Variants in HDAC5 observed in about 807,000 individuals in gnomAD.
HDAC5 encodes the protein antigen NY-CO-9.
HDAC5 carries 25 observed loss-of-function variants against 133.3 expected under a neutral mutation model. That is an observed-to-expected ratio of 0.19 (90% CI 0.14 to 0.26). The LOEUF (loss-of-function observed/expected upper bound fraction) is 0.26, where lower values mean the gene tolerates loss of function less well. Among genes scored for constraint, HDAC5 ranks in the 10% least tolerant of loss-of-function variants. The pLI is 1.00. For missense variants in HDAC5, 1,041 were observed against 1,460.5 expected, an observed-to-expected ratio of 0.71 and a Z score of 4.68; for synonymous variants, 589 against 610.8, an observed-to-expected ratio of 0.96 and a Z score of 0.53.
Position 44,084,682 on chromosome 17 carries a change from G to C in HDAC5, c.2185-7C>G. 6.2e-7 allele frequency: 1 copy of C among 1,613,900 alleles called. No individual in the cohort carries two copies. Among genetic ancestry groups the C allele is most frequent in the East Asian group, 2.2e-5 (1 of 44,884 alleles). On this transcript the variant is annotated splice_polypyrimidine_tract_variant and splice_region_variant and intron_variant, in intron 15 of 26. Coordinates refer to ENST00000682912, the MANE Select transcript of HDAC5 (RefSeq NM_005474.5). ...CTTTGCGACCTCGGATCCGCTGCCA[G>C]GAGGATCAGTAAGAGGGGTCACACA...
At chr17:44,089,396 G>A in intron 11 of HDAC5, among the ~76,000 whole-genome samples, 1 of 151,992 alleles carries the variant, frequency 6.6e-6, no homozygotes, top group Admixed American at 6.6e-5. Flanking sequence ...ATCACTTGAG[G>A]TCAGGAGTTC....
At position 44,088,498 on chromosome 17, in the gene HDAC5, A is replaced by T; in HGVS notation, c.1488T>A (p.Thr496=). ...KLPRHRPLSR[T]QSSPLPQSPQ... is the part of the protein sequence containing the mutation. ...GACTCTGCGGCAGCGGTGAGGACTG[A>T]GTGCGGCTCAGGGGCCGATGCCGCG... Residue 496 remains threonine (T), a synonymous_variant, in exon 12 of 27, where the codon ACT becomes ACA. Coordinates refer to ENST00000682912, the MANE Select transcript of HDAC5 (RefSeq NM_005474.5). 1.2e-6 allele frequency: 2 copies of T among 1,612,876 alleles called. No homozygotes were observed. Among genetic ancestry groups the T allele is most frequent in the Non-Finnish European group, 1.7e-6 (2 of 1,179,766 alleles).
chr17:44,091,372 C>A lies in HDAC5; in HGVS notation c.1285G>T (p.Gly429Cys). 6.3e-7 allele frequency: 1 copy of A among 1,594,772 alleles called. No individual in the cohort carries two copies. The highest frequency in any genetic ancestry group is 8.5e-7 in the Non-Finnish European group (1 of 1,170,730). Residue 429 changes from glycine (G) to cysteine (C), a missense_variant, in exon 11 of 27, where the codon GGC becomes TGC. By Grantham distance (159) the Gly-to-Cys change is radical. This residue lies in a region of HDAC5 where 433 missense variants were observed against 531.6 expected (regional missense o/e 0.81). Transcript: ENST00000682912. ...CTCCCGTCGCCCTCCAGTGCCACGCCCAGCAGGCAGCCAGGAATAGAGGAT... is the reference window on the plus strand; with the variant it reads ...CTCCCGTCGCCCTCCAGTGCCACGCACAGCAGGCAGCCAGGAATAGAGGAT... ...STSSIPGCLLGVALEGDGSPH... is the reference protein window; with the variant it reads ...STSSIPGCLLCVALEGDGSPH...
rs555706114 is a variant in HDAC5 at position 44,097,898 on chromosome 17, C to T, written c.95-4064G>A. Among the ~76,000 whole-genome samples the T allele has an allele frequency of 3.9e-5, 6 of 152,386 alleles. No homozygotes were observed. The South Asian group carries it at 1.2e-3, about 32-fold the overall frequency. ...TCCCACCAGCCTGTCACTGCCACTG[C>T]AGCAGCAGAGATGTTAGGCCCGGAG... On this transcript the variant is annotated intron_variant, in intron 3 of 26. Coordinates refer to ENST00000682912, the MANE Select transcript of HDAC5 (RefSeq NM_005474.5).
chr17:44,091,591 G>C (rs997752095), intron 10 of HDAC5, 99 bp from the exon 11 acceptor site: 1 of 1,485,600 alleles, frequency 6.7e-7, no homozygotes, highest in Admixed American at 2.3e-5. Flanking sequence ...TCTGGGTAGG[G>C]CCAACAGATC....
intron 1 of HDAC5, among the ~76,000 whole-genome samples, chr17:44,119,274 G>A (rs753562042): frequency 6.6e-6 from 1 of 152,242 alleles, no homozygotes; most frequent in Non-Finnish European, 1.5e-5. Context: ...ACCCAGTCCT[G>A]CTCACACCCT....
chr17:44,078,669 T>C lies in HDAC5; in HGVS notation c.3164-4A>G, dbSNP rs774313283. ...TGCACACAGCTCCAGTGTTTGCCTG[T>C]GGACGAGAGACAGGCAAGGGGTCAG... On this transcript the variant is annotated splice_polypyrimidine_tract_variant and splice_region_variant and intron_variant, in intron 25 of 26. Transcript: ENST00000682912. The C allele has an allele frequency of 1.9e-6, 3 of 1,604,504 alleles. No individual in the cohort carries two copies. In the African/African-American group the frequency reaches 4.0e-5, roughly 21 times the overall value.
At chr17:44,099,666 G>C (rs2051470894) in intron 3 of HDAC5, among the ~76,000 whole-genome samples, 2 of 152,074 alleles carry the variant, frequency 1.3e-5, no homozygotes, top group Admixed American at 6.6e-5. Flanking sequence ...AGTAGAGACG[G>C]GGTTTCACCG....
Position 44,091,681 on chromosome 17 carries a change from G to A in HDAC5, c.1164+19C>T, listed in dbSNP as rs1173964168. 2 of 1,536,064 alleles carry A rather than the reference G, an allele frequency of 1.3e-6. No individual in the cohort carries two copies. Among genetic ancestry groups the A allele is most frequent in the Admixed American group, 2.1e-5 (1 of 47,920 alleles). ...ACCTCAACACCAGAGGGAAGATGGG[G>A]TATATGCCCTGTACTTACAGTGAGG... On this transcript the variant is annotated intron_variant, in intron 10 of 26. Transcript: ENST00000682912.
chr17:44,091,857 C>G, intron 9 of HDAC5, 26 bp from the exon 10 acceptor site: 3 of 1,526,610 alleles, frequency 2.0e-6, no homozygotes, highest in Non-Finnish European at 2.6e-6. Flanking sequence ...AAGAGACAGG[C>G]ATGAGAGTGC....
Position 44,123,492 on chromosome 17 carries a change from C to T in HDAC5, c.-190+12G>A. 2 of 375,988 alleles carry T rather than the reference C, an allele frequency of 5.3e-6. No homozygotes were observed. Among genetic ancestry groups the T allele is most frequent in the Admixed American group, 9.2e-5 (2 of 21,834 alleles). 23.3% of individuals were successfully genotyped at this position (375,988 alleles called of 1,614,324 possible). ...GGGGAAGATGGGATCTGGGCCGGGG[C>T]GGCGCGCTCACCCGCTGCGGCTCGA... On this transcript the variant is annotated intron_variant, in intron 1 of 26. Transcript: ENST00000682912.
rs2050201834 is a variant in HDAC5 at position 44,078,212 on chromosome 17, G to A, written c.*164C>T. 1.3e-5 allele frequency: 8 copies of A among 634,466 alleles called. No homozygotes were observed. The highest frequency in any genetic ancestry group is 2.0e-5 in the Non-Finnish European group (8 of 394,424). The allele number at this position is 634,466 out of a possible 1,614,324, so 39.3% of individuals were successfully genotyped here. The stretch of plus-strand genomic sequence containing the variant: ...GAGGGAGCAGGCTTCTAGAGCTGAG[G>A]TGGAAGCCACAGGGCTGGGGGCCTG... On this transcript the variant is annotated 3_prime_UTR_variant, in exon 27 of 27. Transcript: ENST00000682912.
intron 3 of HDAC5, among the ~76,000 whole-genome samples, chr17:44,101,377 C>T (rs1597996108): frequency 1.4e-5 from 2 of 141,478 alleles, no homozygotes; most frequent in East Asian, 4.2e-4. Context: ...CACCACTGCA[C>T]TCCAGCCTTG....
Position 44,087,631 on chromosome 17 carries a change from C to T in HDAC5, c.1665G>A (p.Glu555=). 6.2e-7 allele frequency: 1 copy of T among 1,613,540 alleles called. No individual in the cohort carries two copies. The highest frequency in any genetic ancestry group is 8.5e-7 in the Non-Finnish European group (1 of 1,179,708). The change falls in exon 13 of 27, where the codon GAG becomes GAA. Residue 555 remains glutamate, a synonymous_variant. Coordinates refer to ENST00000682912, the MANE Select transcript of HDAC5 (RefSeq NM_005474.5). ...GCAAGACCTCCTGCTGCTCCGTCAG[C>T]TCCTCCTCTGTCTCCTCAGGGTGGG... ...PTTHPEETEE[E]LTEQQEVLLG...
intron 16 of HDAC5, 111 bp downstream of exon 16, chr17:44,084,444 C>G: frequency 7.6e-7 from 1 of 1,318,968 alleles, no homozygotes; most frequent in Non-Finnish European, 1.1e-6. Flanking sequence ...CGCAGCAATG[C>G]CCTATGCCCG....
intron 2 of HDAC5, among the ~76,000 whole-genome samples, chr17:44,116,657 C>CGAG (rs755679258): frequency 6.6e-6 from 1 of 152,010 alleles, no homozygotes; most frequent in Non-Finnish European, 1.5e-5. Flanking sequence ...AGGAGACACC[C>CGAG]GAGGAGGAGG....
At chr17:44,078,943 C>A (rs1276416292) in intron 24 of HDAC5, 64 bp from the exon 25 acceptor site, 1 of 1,557,812 alleles carries the variant, frequency 6.4e-7, no homozygotes, top group Non-Finnish European at 8.9e-7. Context: ...ACCCCTCTAA[C>A]TGCCCCACTC....
chr17:44,084,935 A>T (rs1567986381), intron 15 of HDAC5, 87 bp downstream of exon 15: 1 of 1,487,876 alleles, frequency 6.7e-7, no homozygotes, highest in Non-Finnish European at 9.1e-7. Context: ...AGAGAGGATG[A>T]GGAAGAAGCA....
Position 44,092,807 on chromosome 17 carries a change from C to CGGGGGGGGCCCCCG in HDAC5, c.642-2_642-1insCGGGGGCCCCCCCC. 1 of 751,168 alleles carries CGGGGGGGGCCCCCG rather than the reference C, an allele frequency of 1.3e-6. No homozygotes were observed. Among genetic ancestry groups the CGGGGGGGGCCCCCG allele is most frequent in the Non-Finnish European group, 1.9e-6 (1 of 529,456 alleles). The allele number at this position is 751,168 out of a possible 1,614,324, so 46.5% of individuals were successfully genotyped here. A position where few individuals can be genotyped will look rare whatever the true frequency, so the allele number is the denominator to read the frequency against. On this transcript the variant is annotated splice_acceptor_variant, in intron 6 of 26. Coordinates refer to ENST00000682912, the MANE Select transcript of HDAC5 (RefSeq NM_005474.5). LOFTEE classifies it high-confidence loss of function. ...GTCCAAAGAAGCATGGTGGGCTCCC[C>CGGGGGGGGCCCCCG]TGGGGTGGGGGGGGGGTGGGGATGG...
Sources: gnomAD v4.1 joint callset for allele counts (sites outside exome capture counted in the v4.1 genomes callset) on GRCh38, gnomAD v4.1.1 for gene constraint, gnomAD v4.1.1 regional missense constraint, MANE v1.5 for transcripts, NCBI Gene and HGNC (gene_info 2026-07-23, HGNC 2026-07-21) for gene names.